Variants in FBXO36 observed in about 807,000 individuals in gnomAD.
FBXO36 encodes the protein F-box only protein 36.
FBXO36 carries 18 observed loss-of-function variants against 17.0 expected under a neutral mutation model. The ratio of observed to expected loss-of-function variants is 1.06; its 90% CI spans 0.73 to 1.57. FBXO36 has a LOEUF of 1.57. Ranked by LOEUF, FBXO36 falls within the 40% of genes most tolerant of loss-of-function variation. FBXO36 has a pLI of 0.00. For synonymous variants in FBXO36, 83 were observed against 85.3 expected (o/e 0.97, Z 0.15); for missense variants, 229 against 221.9 (o/e 1.03, Z -0.20).
chr2:229,969,973 C>T (rs970085569), intron 1 of FBXO36, among the ~76,000 whole-genome samples: 6 of 152,100 alleles, frequency 3.9e-5, no homozygotes, highest in African/African-American at 9.7e-5. Context: ...GCACTACTCA[C>T]CTATCAGAAT....
intron 1 of FBXO36, 140 bp downstream of exon 1, chr2:229,922,749 C>A: frequency 1.3e-6 from 1 of 799,998 alleles, no homozygotes; most frequent in Non-Finnish European, 2.0e-6. Context: ...GGGAGATTTT[C>A]CTCGTCACCT....
chr2:229,928,916 G>A (rs775542212), intron 1 of FBXO36, among the ~76,000 whole-genome samples: 2 of 151,410 alleles, frequency 1.3e-5, no homozygotes, highest in Non-Finnish European at 2.9e-5. Context: ...ATGAATTTCT[G>A]TACCCATCCT....
chr2:229,965,976 C>T (rs1250124708), intron 1 of FBXO36, among the ~76,000 whole-genome samples: 1 of 152,210 alleles, frequency 6.6e-6, no homozygotes, highest in Non-Finnish European at 1.5e-5. Context: ...AATGGTTGAA[C>T]TAGTTTACAG....
chr2:229,969,101 T>A (rs1431216769), intron 1 of FBXO36, among the ~76,000 whole-genome samples: 1 of 152,132 alleles, frequency 6.6e-6, no homozygotes, highest in Admixed American at 6.6e-5. Context: ...TAAACTTGAG[T>A]AAATTCTGTT....
chr2:229,930,337 TA>T (rs1273100236), intron 1 of FBXO36, among the ~76,000 whole-genome samples: 1 of 152,200 alleles, frequency 6.6e-6, no homozygotes, highest in Admixed American at 6.5e-5. Context: ...TGAGACCCTG[TA>T]TCTTACAGAA....
chr2:229,992,127 G>A (rs34473288), intron 2 of FBXO36, among the ~76,000 whole-genome samples: 35,110 of 151,608 alleles, frequency 0.23, 5,076 homozygotes, highest in Middle Eastern at 0.37. Context: ...TTAGCTAAAT[G>A]GCACAACCCA....
chr2:229,954,010 C>CATGT (rs1340926262), intron 1 of FBXO36, among the ~76,000 whole-genome samples: 1 of 152,006 alleles, frequency 6.6e-6, no homozygotes, highest in Non-Finnish European at 1.5e-5. Flanking sequence ...GGACTATAGG[C>CATGT]ATGTGCCATC....
At chr2:230,009,652 A>G in intron 3 of FBXO36, among the ~76,000 whole-genome samples, 1 of 152,190 alleles carries the variant, frequency 6.6e-6, no homozygotes, top group East Asian at 1.9e-4. Flanking sequence ...AAAGTTATAA[A>G]TACAACTTCC....
At chr2:229,935,200 G>A (rs2076957977) in intron 1 of FBXO36, among the ~76,000 whole-genome samples, 1 of 152,194 alleles carries the variant, frequency 6.6e-6, no homozygotes, top group Non-Finnish European at 1.5e-5. Context: ...GGAAAGCTCA[G>A]CTCTGACCAA....
At chr2:229,988,037 T>C (rs2077278129) in intron 2 of FBXO36, among the ~76,000 whole-genome samples, 1 of 152,200 alleles carries the variant, frequency 6.6e-6, no homozygotes, top group Non-Finnish European at 1.5e-5. Flanking sequence ...TCTCATTCAT[T>C]TTCATTCAGT....
intron 1 of FBXO36, among the ~76,000 whole-genome samples, chr2:229,949,577 G>A (rs2439571): frequency 0.99 from 151,327 of 152,122 alleles, 75,270 homozygotes; most frequent in Non-Finnish European, 1. Flanking sequence ...ATTAATCTGT[G>A]TAAGTATATA....
intron 3 of FBXO36, among the ~76,000 whole-genome samples, chr2:230,004,030 G>A (rs934137210): frequency 7.9e-5 from 12 of 151,504 alleles, no homozygotes; most frequent in South Asian, 2.1e-4. Flanking sequence ...GTCCACAGTC[G>A]TAGCCAGCAC....
chr2:229,997,710 G>T, intron 3 of FBXO36, among the ~76,000 whole-genome samples: 1 of 152,116 alleles, frequency 6.6e-6, no homozygotes, highest in East Asian at 1.9e-4. Context: ...GCTGTCCATT[G>T]CAGTGTCCTG....
intron 1 of FBXO36, among the ~76,000 whole-genome samples, chr2:229,939,779 G>A (rs1320515767): frequency 1.3e-5 from 2 of 152,128 alleles, no homozygotes; most frequent in African/African-American, 4.8e-5. Context: ...AGCTCCTCGA[G>A]ACCCTATAGG....
chr2:229,970,306 G>A (rs539914994), intron 1 of FBXO36, among the ~76,000 whole-genome samples: 2 of 152,250 alleles, frequency 1.3e-5, no homozygotes, highest in East Asian at 3.9e-4. Flanking sequence ...GACTGTTTGA[G>A]CCCAGGAGCT....
At chr2:229,999,696 T>G (rs180717842) in intron 3 of FBXO36, among the ~76,000 whole-genome samples, 1 of 151,798 alleles carries the variant, frequency 6.6e-6, no homozygotes, top group South Asian at 2.1e-4. Flanking sequence ...TATGTATATA[T>G]ATGTATTTTT....
At chr2:229,998,871 C>T (rs1033388849) in intron 3 of FBXO36, among the ~76,000 whole-genome samples, 5 of 148,996 alleles carry the variant, frequency 3.4e-5, no homozygotes, top group African/African-American at 5.0e-5. Flanking sequence ...GGCGCGATCT[C>T]GGCTTACTAC....
intron 2 of FBXO36, among the ~76,000 whole-genome samples, chr2:229,982,483 C>G (rs1186730579): frequency 6.6e-6 from 1 of 151,976 alleles, no homozygotes; most frequent in Non-Finnish European, 1.5e-5. Context: ...TTAGGCTCAC[C>G]AGATAATCCA....
intron 2 of FBXO36, among the ~76,000 whole-genome samples, chr2:229,980,638 G>A (rs1230457575): frequency 6.6e-6 from 1 of 151,916 alleles, no homozygotes; most frequent in Admixed American, 6.6e-5. Context: ...ATAAGATACT[G>A]GGGGAGGGGA....
Sources: gnomAD v4.1 joint callset for allele counts (sites outside exome capture counted in the v4.1 genomes callset) on GRCh38, gnomAD v4.1.1 for gene constraint, MANE v1.5 for transcripts, NCBI Gene and HGNC (gene_info 2026-07-23, HGNC 2026-07-21) for gene names.